EPB41L1: variants seen among roughly 807,000 people sequenced by gnomAD.
EPB41L1 encodes the protein band 4.1-like protein 1.
Under a neutral mutation model 97.8 loss-of-function variants are expected in EPB41L1, and 29 were observed. The ratio of observed to expected loss-of-function variants is 0.30; its 90% CI spans 0.22 to 0.40. The LOEUF is 0.40. Among genes scored for constraint, EPB41L1 ranks in the 10% least tolerant of loss-of-function variants. EPB41L1 has a pLI of 1.00. For synonymous variants in EPB41L1, 383 were observed against 459.2 expected (o/e 0.83, Z 2.12); for missense variants, 812 against 1,162.3 (o/e 0.70, Z 4.38).
chr20:36,124,204 G>A (rs545933190), intron 2 of EPB41L1, among the ~76,000 whole-genome samples: 2 of 152,250 alleles, frequency 1.3e-5, no homozygotes, highest in Admixed American at 6.5e-5. Flanking sequence ...GCAGTGAGCC[G>A]AGATCGCGCC....
rs2147250092 is a variant in EPB41L1 at position 36,229,489 on chromosome 20, T to C, written c.*149T>C. On this transcript the variant is annotated 3_prime_UTR_variant, in exon 22 of 22. Transcript: ENST00000338074. ...GAGAGACTGGGAAGGGAAAAGCATA[T>C]ATATATAGATATATAGAGATATAGA... is the stretch of plus-strand genomic sequence containing the variant. The C allele has an allele frequency of 1.4e-6, 1 of 729,146 alleles. No individual in the cohort carries two copies. Among genetic ancestry groups the C allele is most frequent in the East Asian group, 2.7e-5 (1 of 36,944 alleles). The allele number at this position is 729,146 out of a possible 1,614,324, so 45.2% of individuals were successfully genotyped here. A position where few individuals can be genotyped will look rare whatever the true frequency, so the allele number is the denominator to read the frequency against.
upstream of EPB41L1, among the ~76,000 whole-genome samples, chr20:36,153,277 G>A (rs2060131425): frequency 6.6e-6 from 1 of 152,002 alleles, no homozygotes; most frequent in Non-Finnish European, 1.5e-5. Flanking sequence ...TGGGAGGGAG[G>A]AGTTGGGGGA....
At chr20:36,169,094 C>CAT (rs1319061155) in intron 1 of EPB41L1, among the ~76,000 whole-genome samples, 5 of 151,630 alleles carry the variant, frequency 3.3e-5, no homozygotes, top group Non-Finnish European at 7.4e-5. Context: ...GCTGCGGTGG[C>CAT]GGTCACCTGT....
At chr20:36,096,992 T>C (rs571844245) in intron 1 of EPB41L1, among the ~76,000 whole-genome samples, 53 of 152,386 alleles carry the variant, frequency 3.5e-4, no homozygotes, top group African/African-American at 1.2e-3. Context: ...GGCTGTAGAT[T>C]TGAGCACTCA....
rs1569314454 is a variant in EPB41L1, at chr20:36,206,300, C to T, written c.1669-3188C>T. 4 of 1,289,790 alleles carry T rather than the reference C, an allele frequency of 3.1e-6. No individual in the cohort carries two copies. Among genetic ancestry groups the T allele is most frequent in the Admixed American group, 2.3e-5 (1 of 43,548 alleles). 79.9% of individuals were successfully genotyped at this position (1,289,790 alleles called of 1,614,324 possible). ...GAGCTGAGGAAGGGGCTGGAGGAGC[C>T]TCACACTTGTGGGAGACCCACTGCT... On this transcript the variant is annotated intron_variant, in intron 14 of 21. Coordinates refer to ENST00000338074, the MANE Select transcript of EPB41L1 (RefSeq NM_012156.2). This position sits in a 1 kb window ranked among gnomAD's most constrained non-coding sequence, Gnocchi z 5.5.
chr20:36,155,697 G>T (rs1275859400), intron 1 of EPB41L1: 2 of 452,504 alleles, frequency 4.4e-6, no homozygotes, highest in Non-Finnish European at 8.9e-6. Flanking sequence ...GGGGATGCTG[G>T]TCTCTCCCTC....
intron 2 of EPB41L1, among the ~76,000 whole-genome samples, chr20:36,147,265 C>T (rs917860498): frequency 6.6e-6 from 1 of 152,166 alleles, no homozygotes; most frequent in African/African-American, 2.4e-5. Context: ...ATATATTCAT[C>T]TCTGGGACAA....
intron 1 of EPB41L1, among the ~76,000 whole-genome samples, chr20:36,099,512 A>G (rs2057941245): frequency 6.6e-6 from 1 of 152,158 alleles, no homozygotes; most frequent in African/African-American, 2.4e-5. Context: ...TAATCATCAT[A>G]ATAACCCTTG....
Position 36,129,085 on chromosome 20 carries a change from C to G in EPB41L1, c.-10+16605C>G, listed in dbSNP as rs149304714. Among the ~76,000 whole-genome samples, 890 of 148,760 alleles carry G rather than the reference C, an allele frequency of 6.0e-3. 10 individuals carry two copies. The highest frequency in any genetic ancestry group is 0.021 in the African/African-American group (852 of 40,414). ...TTGTGTAGCTTACATGGAGGAGGCACAGAATCTAAGGGACATGTCTCAAAG... is the reference window on the plus strand; with the variant it reads ...TTGTGTAGCTTACATGGAGGAGGCAGAGAATCTAAGGGACATGTCTCAAAG... On this transcript the variant is annotated intron_variant, in intron 2 of 19. Coordinates refer to the EPB41L1 transcript ENST00000202028.
chr20:36,162,397 T>C (rs1902418091), intron 1 of EPB41L1, among the ~76,000 whole-genome samples: 1 of 152,170 alleles, frequency 6.6e-6, no homozygotes, highest in African/African-American at 2.4e-5. Context: ...TGTAGCAGCA[T>C]TGAGTGGGGA....
chr20:36,209,966 C>T lies in EPB41L1; in HGVS notation c.2079+68C>T, dbSNP rs2063040520. The T allele has an allele frequency of 9.6e-6, 15 of 1,570,124 alleles. No individual in the cohort carries two copies. Among genetic ancestry groups the T allele is most frequent in the Middle Eastern group, 2.0e-4 (1 of 4,952 alleles). ...CATGCTCAGAGGGCCCTGGGCCACCCGTGAGAAGACCGAGCACCCAGCCTG... is the reference window on the plus strand; with the variant it reads ...CATGCTCAGAGGGCCCTGGGCCACCTGTGAGAAGACCGAGCACCCAGCCTG... On this transcript the variant is annotated intron_variant, in intron 15 of 21. Coordinates refer to ENST00000338074, the MANE Select transcript of EPB41L1 (RefSeq NM_012156.2). This position sits in a 1 kb window ranked among gnomAD's most constrained non-coding sequence, Gnocchi z 4.2.
At chr20:36,117,313 G>C (rs920385991) in intron 2 of EPB41L1, among the ~76,000 whole-genome samples, 1 of 152,176 alleles carries the variant, frequency 6.6e-6, no homozygotes, top group African/African-American at 2.4e-5. Context: ...CAGACATCCA[G>C]TATTTCTTCT....
At chr20:36,221,621 C>A (rs1306967123) in intron 19 of EPB41L1, among the ~76,000 whole-genome samples, 1 of 152,134 alleles carries the variant, frequency 6.6e-6, no homozygotes, top group Non-Finnish European at 1.5e-5. Context: ...TGAGAGGCAG[C>A]ATTGGAGCTA....
intron 1 of EPB41L1, among the ~76,000 whole-genome samples, chr20:36,108,058 C>T (rs2058259422): frequency 6.6e-6 from 1 of 151,918 alleles, no homozygotes; most frequent in Non-Finnish European, 1.5e-5. Flanking sequence ...TCATAGCTCA[C>T]TGCAACCCTT....
chr20:36,182,462 C>A, intron 6 of EPB41L1, 115 bp downstream of exon 6: 1 of 1,154,390 alleles, frequency 8.7e-7, no homozygotes, highest in Non-Finnish European at 1.3e-6. Flanking sequence ...CAGTCGCCTA[C>A]CGAGGTCAGG....
intron 21 of EPB41L1, among the ~76,000 whole-genome samples, chr20:36,229,040 G>A (rs575720359): frequency 7.2e-5 from 11 of 152,058 alleles, no homozygotes; most frequent in African/African-American, 2.2e-4. Context: ...CACAAGCTGC[G>A]TGGCCTTGGA....
intron 1 of EPB41L1, among the ~76,000 whole-genome samples, chr20:36,110,246 A>G (rs2058346607): frequency 6.6e-6 from 1 of 152,082 alleles, no homozygotes; most frequent in African/African-American, 2.4e-5. Flanking sequence ...CGGCCTTGAC[A>G]TTGTTTAGTA....
At chr20:36,222,715 G>A (rs2063857588) in intron 21 of EPB41L1, among the ~76,000 whole-genome samples, 1 of 152,144 alleles carries the variant, frequency 6.6e-6, no homozygotes, top group Non-Finnish European at 1.5e-5. Context: ...ATATTGAGGT[G>A]GGACAGATGG....
At chr20:36,149,212 G>A (rs1424141397) in intron 2 of EPB41L1, among the ~76,000 whole-genome samples, 2 of 152,208 alleles carry the variant, frequency 1.3e-5, no homozygotes, top group Admixed American at 1.3e-4. Context: ...AGGTCATGCA[G>A]CTCCTGTGCT....
Sources: allele counts gnomAD v4.1 joint callset (sites outside exome capture counted in the v4.1 genomes callset), GRCh38; gene constraint gnomAD v4.1.1; non-coding constraint Gnocchi (gnomAD v3.1); transcripts MANE v1.5; gene names NCBI Gene and HGNC (gene_info 2026-07-23, HGNC 2026-07-21).